The following MACROD2 variants were observed in gnomAD, a reference collection of about 807,000 sequenced individuals.
MACROD2 encodes ADP-ribose glycohydrolase MACROD2.
Under a neutral mutation model 70.4 loss-of-function variants are expected in MACROD2, and 36 were observed. That is an observed-to-expected ratio of 0.51 (90% CI 0.39 to 0.68). MACROD2 has a LOEUF of 0.68. MACROD2 is among the 30% of genes least tolerant of loss of function. The pLI is 0.00. For missense variants in MACROD2, 496 were observed against 538.4 expected, an observed-to-expected ratio of 0.92 and a Z score of 0.78; for synonymous variants, 172 against 178.8, an observed-to-expected ratio of 0.96 and a Z score of 0.30.
At chr20:14,050,421 A>G (rs1471677967) in intron 2 of MACROD2, among the ~76,000 whole-genome samples, 1 of 152,190 alleles carries the variant, frequency 6.6e-6, no homozygotes, top group Admixed American at 6.5e-5. Flanking sequence ...CACACACACT[A>G]AAACATGCTG....
intron 3 of MACROD2, chr20:14,323,065 A>G (rs2082680167): frequency 3.3e-5 from 5 of 152,136 alleles, no homozygotes; most frequent in Admixed American, 3.3e-4. Context: ...TTTGCCCCAT[A>G]CACCACGCAA....
intron 6 of MACROD2, among the ~76,000 whole-genome samples, chr20:15,289,396 G>A (rs1408785157): frequency 3.3e-5 from 5 of 152,190 alleles, no homozygotes; most frequent in Admixed American, 3.3e-4. Flanking sequence ...ATGAGATAAA[G>A]TATTCAAAGT....
chr20:14,695,418 A>T (rs1445243746), intron 5 of MACROD2, among the ~76,000 whole-genome samples: 1 of 152,182 alleles, frequency 6.6e-6, no homozygotes, highest in Non-Finnish European at 1.5e-5. Context: ...AGGTCTCAAG[A>T]TCCTTAACTT....
At chr20:14,510,526 A>G (rs1044782458) in intron 4 of MACROD2, among the ~76,000 whole-genome samples, 1 of 152,076 alleles carries the variant, frequency 6.6e-6, no homozygotes, top group Non-Finnish European at 1.5e-5. Context: ...AAATGGGAAT[A>G]ATTTGGATCA....
intron 2 of MACROD2, 145 bp from the exon 3 acceptor site, chr20:14,085,476 C>T (rs142074161): frequency 0.026 from 11,155 of 432,058 alleles, 219 homozygotes; most frequent in Middle Eastern, 0.064. Flanking sequence ...AAACCACACC[C>T]CTTGTACTTA....
At chr20:14,943,677 GCA>G (rs1245171006) in intron 5 of MACROD2, among the ~76,000 whole-genome samples, 2 of 152,088 alleles carry the variant, frequency 1.3e-5, no homozygotes, top group Non-Finnish European at 2.9e-5. Context: ...TAGTAAACAT[GCA>G]CAGACAGTTT....
At chr20:14,886,689 G>A (rs1350336528) in intron 5 of MACROD2, among the ~76,000 whole-genome samples, 1 of 152,122 alleles carries the variant, frequency 6.6e-6, no homozygotes, top group African/African-American at 2.4e-5. Flanking sequence ...GTATCAATAA[G>A]TATGATTGCA....
intron 3 of MACROD2, among the ~76,000 whole-genome samples, chr20:14,357,519 G>T (rs2083183186): frequency 6.6e-6 from 1 of 151,910 alleles, no homozygotes; most frequent in South Asian, 2.1e-4. Context: ...TCTTGGTTTG[G>T]TCATATTTCT....
At chr20:14,781,913 CT>C (rs2072306506) in intron 5 of MACROD2, among the ~76,000 whole-genome samples, 1 of 151,452 alleles carries the variant, frequency 6.6e-6, no homozygotes, top group Non-Finnish European at 1.5e-5. Context: ...GCTAAAATTT[CT>C]TTTTCTGTTT....
intron 4 of MACROD2, among the ~76,000 whole-genome samples, chr20:14,666,658 G>A (rs547041936): frequency 1.9e-4 from 29 of 151,846 alleles, no homozygotes; most frequent in African/African-American, 5.6e-4. Flanking sequence ...TGTCCCCAGC[G>A]CTTGACTTTT....
intron 7 of MACROD2, among the ~76,000 whole-genome samples, chr20:15,433,248 A>G (rs1219930327): frequency 6.6e-6 from 1 of 151,992 alleles, no homozygotes; most frequent in East Asian, 1.9e-4. Context: ...CAAGTCAAAA[A>G]AGCAGAAGTT....
At position 15,047,966 on chromosome 20, in the gene MACROD2, C is replaced by G. The variant is rs559443087; in HGVS notation, c.419-181974C>G. ...AGACATGAACAAGAAAAAAGAAATA[C>G]ATAATTTTTTTAAAGGGCTGGGCAT... On this transcript the variant is annotated intron_variant, in intron 5 of 17. Transcript: ENST00000684519. Among the ~76,000 whole-genome samples the G allele has an allele frequency of 2.6e-5, 4 of 152,188 alleles. No homozygotes were observed. In the South Asian group the frequency reaches 6.2e-4, roughly 24 times the overall value.
At chr20:15,342,407 T>C (rs1384754372) in intron 6 of MACROD2, among the ~76,000 whole-genome samples, 2 of 152,126 alleles carry the variant, frequency 1.3e-5, no homozygotes, top group East Asian at 3.9e-4. Flanking sequence ...TTTTTTGTGT[T>C]CATTAGTTGG....
chr20:14,672,257 G>A (rs1371433251), intron 4 of MACROD2, among the ~76,000 whole-genome samples: 6 of 152,168 alleles, frequency 3.9e-5, no homozygotes, highest in South Asian at 2.1e-4. Flanking sequence ...GTTGGCCTCC[G>A]CTGAGATGGC....
At chr20:15,495,095 G>T (rs914950434) in intron 7 of MACROD2, among the ~76,000 whole-genome samples, 16 of 152,110 alleles carry the variant, frequency 1.1e-4, no homozygotes, top group African/African-American at 3.9e-4. Flanking sequence ...TCTGAAGCTT[G>T]TCTGTAGCCT....
At position 14,976,248 on chromosome 20, in the gene MACROD2, C is replaced by T. The variant is rs147564683; in HGVS notation, c.419-253692C>T. On this transcript the variant is annotated intron_variant, in intron 5 of 17. Coordinates refer to ENST00000684519, the MANE Select transcript of MACROD2 (RefSeq NM_001351661.2). Reference sequence around the variant, plus strand: ...ATTCTGGAGGTTAGTAGTCTAAAGTCAGTTTCCTTGGGCTAAAGGTGAGGT... The same window carrying T: ...ATTCTGGAGGTTAGTAGTCTAAAGTTAGTTTCCTTGGGCTAAAGGTGAGGT... 2.0e-5 allele frequency among the ~76,000 whole-genome samples: 3 copies of T among 152,312 alleles called. No individual in the cohort carries two copies. The East Asian group carries it at 5.8e-4, about 29-fold the overall frequency.
At chr20:15,151,733 A>G (rs921353753) in intron 5 of MACROD2, among the ~76,000 whole-genome samples, 1 of 152,000 alleles carries the variant, frequency 6.6e-6, no homozygotes, top group Non-Finnish European at 1.5e-5. Flanking sequence ...AACCTTGACT[A>G]TGTCTTTAGC....
intron 10 of MACROD2, chr20:15,892,883 C>T (rs1426329865): frequency 3.5e-5 from 14 of 398,362 alleles, no homozygotes; most frequent in Non-Finnish European, 5.8e-5. Context: ...TTGAACCCTA[C>T]TGGTAAATAT....
rs1167788848 is a variant in MACROD2 at position 15,795,475 on chromosome 20, C to T, written c.646-67270C>T. Among the ~76,000 whole-genome samples, 4 of 151,960 alleles carry T rather than the reference C, an allele frequency of 2.6e-5. No individual in the cohort carries two copies. In the East Asian group the frequency reaches 7.8e-4, roughly 29 times the overall value. ...AGCCAAGGGGAGTGGGAGGGTAGGC[C>T]ATGGTGTAGTTGGAAATAACAAGAA... On this transcript the variant is annotated intron_variant, in intron 8 of 17. Coordinates refer to ENST00000684519, the MANE Select transcript of MACROD2 (RefSeq NM_001351661.2).
Sources: gnomAD v4.1 joint callset for allele counts (sites outside exome capture counted in the v4.1 genomes callset) on GRCh38, gnomAD v4.1.1 for gene constraint, MANE v1.5 for transcripts, NCBI Gene and HGNC (gene_info 2026-07-23, HGNC 2026-07-21) for gene names.